TGFB2: variants seen among roughly 807,000 people sequenced by gnomAD.
TGFB2 encodes transforming growth factor beta 2.
In TGFB2, 13 loss-of-function variants were observed where a neutral mutation model predicts 42.7. The observed-to-expected ratio is 0.30, with a 90% confidence interval of 0.20 to 0.48. TGFB2 has a LOEUF of 0.48. TGFB2 is among the 20% of genes least tolerant of loss of function. The pLI is 0.99. For missense variants in TGFB2, 390 were observed against 517.5 expected, an observed-to-expected ratio of 0.75 and a Z score of 2.39; for synonymous variants, 193 against 193.6, an observed-to-expected ratio of 1.00 and a Z score of 0.03.
rs1309496155 is a variant in TGFB2, at chr1:218,345,407, A to T, written c.-1295A>T. On this transcript the variant is annotated 5_prime_UTR_variant, in exon 1 of 7. Transcript: ENST00000366930. ...GAAGCTCCTGACAAGAGAAAGACAG[A>T]TTGAGATAGAGATAGAAAGAGAAAG... The T allele has an allele frequency of 6.6e-6, 1 of 152,342 alleles. No individual in the cohort carries two copies. The highest frequency in any genetic ancestry group is 1.5e-5 in the Non-Finnish European group (1 of 68,124). The allele number at this position is 152,342 out of a possible 1,614,324, so 9.4% of individuals were successfully genotyped here.
chr1:218,391,145 G>T (rs997137471), intron 1 of TGFB2, among the ~76,000 whole-genome samples: 4 of 152,212 alleles, frequency 2.6e-5, no homozygotes, highest in African/African-American at 9.7e-5. Flanking sequence ...TCAGAGTGCT[G>T]ATTAATAGAG....
chr1:218,345,992 A>G lies in TGFB2; in HGVS notation c.-710A>G, dbSNP rs778955870. The stretch of plus-strand genomic sequence containing the variant: ...CCCTGCGGCACCCGACCGAGTACCG[A>G]GCGCCCTGCGAAGCGCACCCTCCTC... On this transcript the variant is annotated 5_prime_UTR_variant, in exon 1 of 7. Transcript: ENST00000366930. 1.2e-4 allele frequency among the ~76,000 whole-genome samples: 18 copies of G among 150,876 alleles called. No individual in the cohort carries two copies. Among genetic ancestry groups the G allele is most frequent in the Non-Finnish European group, 2.5e-4 (17 of 67,682 alleles).
intron 1 of TGFB2, among the ~76,000 whole-genome samples, chr1:218,357,086 C>T (rs950698234): frequency 1.3e-5 from 2 of 152,012 alleles, no homozygotes; most frequent in African/African-American, 4.8e-5. Flanking sequence ...GTGGTAGGCG[C>T]CTGTAATCCC....
Position 218,347,130 on chromosome 1 carries a change from C to T in TGFB2, c.346+83C>T. The T allele has an allele frequency of 2.3e-6, 3 of 1,328,738 alleles. No individual in the cohort carries two copies. The South Asian group carries it at 4.0e-5, about 18-fold the overall frequency. The allele number at this position is 1,328,738 out of a possible 1,614,324, so 82.3% of individuals were successfully genotyped here. On this transcript the variant is annotated intron_variant, in intron 1 of 6. Transcript: ENST00000366930. ...AACCGCAGCAGCTCCCGGGATCGCC[C>T]TTCCCTCTCGCGGTTCCCGTTCGCT...
intron 1 of TGFB2, among the ~76,000 whole-genome samples, chr1:218,381,550 G>T (rs1056829728): frequency 6.6e-6 from 1 of 152,146 alleles, no homozygotes; most frequent in African/African-American, 2.4e-5. Context: ...CACAGCGCCC[G>T]ACTGAAAGGC....
chr1:218,385,481 T>C (rs1262615403), intron 1 of TGFB2, among the ~76,000 whole-genome samples: 1 of 152,234 alleles, frequency 6.6e-6, no homozygotes, highest in African/African-American at 2.4e-5. Flanking sequence ...TGAGAATTCC[T>C]GCTAAGAAGT....
intron 2 of TGFB2, among the ~76,000 whole-genome samples, chr1:218,411,906 C>T (rs10863397): frequency 0.069 from 10,407 of 150,820 alleles, 388 homozygotes; most frequent in East Asian, 0.15. Flanking sequence ...AATGACACAG[C>T]ATCACTTTTG....
chr1:218,435,240 T>C (rs952478227), intron 4 of TGFB2, among the ~76,000 whole-genome samples: 9 of 152,158 alleles, frequency 5.9e-5, no homozygotes, highest in Non-Finnish European at 1.2e-4. Flanking sequence ...CAGCAGCCCT[T>C]GCTCATGGAA....
At chr1:218,364,176 G>A (rs1301809326) in intron 1 of TGFB2, among the ~76,000 whole-genome samples, 1 of 152,152 alleles carries the variant, frequency 6.6e-6, no homozygotes, top group Non-Finnish European at 1.5e-5. Flanking sequence ...GTATTGACAT[G>A]TCTCGTTTGC....
At chr1:218,368,715 G>T (rs1657471345) in intron 1 of TGFB2, among the ~76,000 whole-genome samples, 1 of 152,084 alleles carries the variant, frequency 6.6e-6, no homozygotes. Flanking sequence ...ACACTTGAAG[G>T]ATGTTAGAGA....
intron 2 of TGFB2, among the ~76,000 whole-genome samples, chr1:218,432,814 A>C (rs1659849176): frequency 6.6e-6 from 1 of 152,158 alleles, no homozygotes; most frequent in Non-Finnish European, 1.5e-5. Context: ...GTAGTACAAA[A>C]ATCCGGAAGA....
intron 2 of TGFB2, 128 bp from the exon 3 acceptor site, chr1:218,433,954 A>G: frequency 1.6e-6 from 2 of 1,237,326 alleles, no homozygotes; most frequent in East Asian, 2.4e-5. Context: ...AATTGAGATG[A>G]CAATGCATGG....
chr1:218,363,385 C>T, intron 1 of TGFB2: 1 of 1,613,966 alleles, frequency 6.2e-7, no homozygotes, highest in Non-Finnish European at 8.5e-7. Context: ...AGCTTGTGCT[C>T]CAGACAGTCC....
intron 1 of TGFB2, among the ~76,000 whole-genome samples, chr1:218,398,066 TTC>T (rs1658583890): frequency 6.6e-6 from 1 of 152,264 alleles, no homozygotes; most frequent in Non-Finnish European, 1.5e-5. Context: ...AGCCTCCTTC[TTC>T]TTTTCCCCGG....
At chr1:218,383,105 TAAA>T (rs1658018244) in intron 1 of TGFB2, among the ~76,000 whole-genome samples, 2 of 152,196 alleles carry the variant, frequency 1.3e-5, no homozygotes, top group Non-Finnish European at 2.9e-5. Context: ...AGGATAAAGT[TAAA>T]AAGAAAGGCA....
intron 2 of TGFB2, among the ~76,000 whole-genome samples, chr1:218,432,964 A>T (rs1659854005): frequency 6.6e-6 from 1 of 152,252 alleles, no homozygotes; most frequent in South Asian, 2.1e-4. Flanking sequence ...GAATTTTTTT[A>T]AAACCACCTA....
At chr1:218,434,291 G>T (rs1263640880) in intron 3 of TGFB2, 47 bp from the exon 4 acceptor site, 7 of 1,612,336 alleles carry the variant, frequency 4.3e-6, no homozygotes, top group Admixed American at 1.7e-5. Flanking sequence ...CAGATTTAAG[G>T]GTATAGACAC....
intron 6 of TGFB2, among the ~76,000 whole-genome samples, chr1:218,439,493 A>G (rs1263460804): frequency 6.6e-6 from 1 of 152,206 alleles, no homozygotes; most frequent in Admixed American, 6.5e-5. Flanking sequence ...ATGAAAACTC[A>G]TGTGTTCAGG....
chr1:218,369,320 G>GTAGGAAAT (rs1340021454), intron 1 of TGFB2, among the ~76,000 whole-genome samples: 3 of 141,830 alleles, frequency 2.1e-5, no homozygotes, highest in Non-Finnish European at 3.0e-5. Flanking sequence ...CAAGGTGGAA[G>GTAGGAAAT]TAGGAAATTC....
Sources: allele counts gnomAD v4.1 joint callset (sites outside exome capture counted in the v4.1 genomes callset), GRCh38; gene constraint gnomAD v4.1.1; transcripts MANE v1.5; gene names NCBI Gene and HGNC (gene_info 2026-07-23, HGNC 2026-07-21).